VAT1L: variants seen among roughly 807,000 people sequenced by gnomAD.
The protein encoded by VAT1L is vesicle amine transport 1 like, also known as putative NADPH-dependent quinone oxidoreductase VAT1L.
In VAT1L, 34 loss-of-function variants were observed where a neutral mutation model predicts 44.1. The observed-to-expected ratio is 0.77, with a 90% CI of 0.59 to 1.03. The LOEUF (loss-of-function observed/expected upper bound fraction) is 1.03, where lower values mean the gene tolerates loss of function less well. Among genes scored for constraint, VAT1L ranks in the 50% least tolerant of loss-of-function variants. The pLI is 0.00. For missense variants in VAT1L, 615 were observed against 538.8 expected, an observed-to-expected ratio of 1.14 and a Z score of -1.40; for synonymous variants, 253 against 202.2, an observed-to-expected ratio of 1.25 and a Z score of -2.13.
At chr16:77,851,181 T>G (rs2016804936) in intron 3 of VAT1L, among the ~76,000 whole-genome samples, 2 of 152,198 alleles carry the variant, frequency 1.3e-5, no homozygotes, top group South Asian at 2.1e-4. Flanking sequence ...TCTTTCTAAT[T>G]CACACAAAAC....
intron 1 of VAT1L, among the ~76,000 whole-genome samples, chr16:77,796,049 T>G (rs1339969070): frequency 6.6e-6 from 1 of 152,022 alleles, no homozygotes; most frequent in African/African-American, 2.4e-5. Flanking sequence ...TGGTCTCGAA[T>G]TCCTGACCTC....
chr16:77,889,650 C>T (rs1045505678), intron 7 of VAT1L, among the ~76,000 whole-genome samples: 2 of 152,188 alleles, frequency 1.3e-5, no homozygotes, highest in Non-Finnish European at 2.9e-5. Flanking sequence ...TCATAGACAA[C>T]GTGTTTCCTG....
intron 2 of VAT1L, 65 bp from the exon 3 acceptor site, chr16:77,825,181 C>T (rs938267179): frequency 6.3e-7 from 1 of 1,579,670 alleles, no homozygotes. Context: ...CCCAGTAATT[C>T]TGTTCTCTCC....
chr16:77,801,553 A>C (rs1286188620), intron 1 of VAT1L: 3 of 152,128 alleles, frequency 2.0e-5, no homozygotes, highest in Non-Finnish European at 4.4e-5. Flanking sequence ...AAATGAACAG[A>C]TTGTGGGGCA....
chr16:77,847,191 C>G (rs988775376), intron 3 of VAT1L, among the ~76,000 whole-genome samples: 2 of 151,630 alleles, frequency 1.3e-5, no homozygotes, highest in Non-Finnish European at 2.9e-5. Context: ...TTCAGTCAGG[C>G]CAAGAGCTTT....
chr16:77,831,661 G>T (rs893043478), intron 3 of VAT1L, among the ~76,000 whole-genome samples: 2 of 152,188 alleles, frequency 1.3e-5, no homozygotes, highest in Non-Finnish European at 2.9e-5. Flanking sequence ...TCACAGATGA[G>T]AAGAGACAAA....
Position 77,803,417 on chromosome 16 carries a change from C to CTTTT in VAT1L, c.234-13487_234-13484dup, listed in dbSNP as rs11379202. 1.1e-3 allele frequency among the ~76,000 whole-genome samples: 120 copies of CTTTT among 105,492 alleles called. 1 individual carries two copies. Among genetic ancestry groups the CTTTT allele is most frequent in the African/African-American group, 3.3e-3 (88 of 26,734 alleles). 69.2% of individuals were successfully genotyped at this position (105,492 alleles called of 152,430 possible). A position where few individuals can be genotyped will look rare whatever the true frequency, so the allele number is the denominator to read the frequency against. On this transcript the variant is annotated intron_variant, in intron 1 of 8. Transcript: ENST00000302536. ...TGAAACAACCATTTTACTAGACATT[C>CTTTT]TTTTTTTTTTTTTTTTTTTTGAGAT...
At chr16:77,881,892 G>C (rs2017158961) in intron 6 of VAT1L, among the ~76,000 whole-genome samples, 1 of 152,230 alleles carries the variant, frequency 6.6e-6, no homozygotes, top group African/African-American at 2.4e-5. Context: ...ACATACAATT[G>C]TAAGAAGTGT....
At chr16:77,963,338 C>A (rs186802952) in intron 7 of VAT1L, among the ~76,000 whole-genome samples, 1 of 152,134 alleles carries the variant, frequency 6.6e-6, no homozygotes, top group Non-Finnish European at 1.5e-5. Flanking sequence ...TGAAGCTCTA[C>A]CCTGCTGGCT....
chr16:77,799,504 GGTGTGTGTGTGTGTGTGTGTGT>G (rs10525414), intron 1 of VAT1L, among the ~76,000 whole-genome samples: 151 of 140,848 alleles, frequency 1.1e-3, no homozygotes, highest in African/African-American at 2.1e-3. Context: ...TGGAATACAT[GGTGTGTGTGTGTGTGTGTGTGT>G]GTGTGTGTGT....
intron 4 of VAT1L, 30 bp from the exon 5 acceptor site, chr16:77,876,340 A>T: frequency 6.3e-7 from 1 of 1,597,442 alleles, no homozygotes; most frequent in Non-Finnish European, 8.6e-7. Flanking sequence ...GACAGGTCAC[A>T]GAATTTTGCT....
intron 1 of VAT1L, among the ~76,000 whole-genome samples, chr16:77,806,992 A>T (rs1187726122): frequency 6.6e-6 from 1 of 152,188 alleles, no homozygotes; most frequent in East Asian, 1.9e-4. Flanking sequence ...ACCTGATCCC[A>T]GCAGGTTCTT....
chr16:77,926,951 G>C (rs1198550114), intron 7 of VAT1L, among the ~76,000 whole-genome samples: 1 of 152,122 alleles, frequency 6.6e-6, no homozygotes, highest in Non-Finnish European at 1.5e-5. Flanking sequence ...GATTGTCAAG[G>C]ACCATTACAC....
At chr16:77,892,793 A>G in intron 7 of VAT1L, 1 of 791,620 alleles carries the variant, frequency 1.3e-6, no homozygotes, top group Non-Finnish European at 2.3e-6. Context: ...GTTGGATGGC[A>G]AGCATGTGGT....
At chr16:77,961,761 C>T (rs537384618) in intron 7 of VAT1L, among the ~76,000 whole-genome samples, 48 of 152,310 alleles carry the variant, frequency 3.2e-4, no homozygotes, top group African/African-American at 1.1e-3. Flanking sequence ...AAAGCCTGGG[C>T]TTGGCCCCCT....
chr16:77,908,365 G>A (rs2017461387), intron 7 of VAT1L, among the ~76,000 whole-genome samples: 1 of 150,902 alleles, frequency 6.6e-6, no homozygotes, highest in Non-Finnish European at 1.5e-5. Context: ...GGGAGGCTGA[G>A]GCAGGAGAAT....
At chr16:77,913,941 G>A (rs1238966298) in intron 7 of VAT1L, among the ~76,000 whole-genome samples, 1 of 152,130 alleles carries the variant, frequency 6.6e-6, no homozygotes, top group Non-Finnish European at 1.5e-5. Flanking sequence ...CTCTTATTCA[G>A]CAACAACATT....
At chr16:77,833,905 G>C (rs899580866) in intron 3 of VAT1L, among the ~76,000 whole-genome samples, 5 of 152,098 alleles carry the variant, frequency 3.3e-5, no homozygotes, top group African/African-American at 1.2e-4. Context: ...ACAGGAGGGC[G>C]TTTCTTACAT....
chr16:77,845,786 C>A (rs1291974623), intron 3 of VAT1L, among the ~76,000 whole-genome samples: 2 of 152,182 alleles, frequency 1.3e-5, no homozygotes, highest in Non-Finnish European at 2.9e-5. Flanking sequence ...TTAAATGTCA[C>A]TTCCTTTTGG....
Sources: allele counts gnomAD v4.1 joint callset (sites outside exome capture counted in the v4.1 genomes callset), GRCh38; gene constraint gnomAD v4.1.1; transcripts MANE v1.5; gene names NCBI Gene and HGNC (gene_info 2026-07-23, HGNC 2026-07-21).